Variants in ARHGAP42 observed in about 807,000 individuals in gnomAD.
The protein encoded by ARHGAP42 is Rho GTPase activating protein 42, also known as rho GTPase-activating protein 42.
In ARHGAP42, 63 loss-of-function variants were observed where a neutral mutation model predicts 125.0. The observed-to-expected ratio is 0.50, with a 90% confidence interval of 0.41 to 0.62. The LOEUF (loss-of-function observed/expected upper bound fraction) is 0.62, where lower values mean the gene tolerates loss of function less well. Ranked by LOEUF, ARHGAP42 falls within the 20% of genes least tolerant of loss-of-function variation. The pLI is 0.00. For missense variants in ARHGAP42, 766 were observed against 1,024.2 expected, an observed-to-expected ratio of 0.75 and a Z score of 3.44; for synonymous variants, 339 against 351.0, an observed-to-expected ratio of 0.97 and a Z score of 0.38.
intron 2 of ARHGAP42, among the ~76,000 whole-genome samples, chr11:100,790,933 A>G (rs912086581): frequency 7.9e-5 from 12 of 152,242 alleles, no homozygotes; most frequent in Admixed American, 3.9e-4. Context: ...ATTACAAATT[A>G]TTGCTGATAA....
At chr11:100,916,602 A>G (rs1342243275) in intron 5 of ARHGAP42, among the ~76,000 whole-genome samples, 1 of 152,196 alleles carries the variant, frequency 6.6e-6, no homozygotes, top group Non-Finnish European at 1.5e-5. Flanking sequence ...GGTATAGGAA[A>G]TTGGGCACAC....
At chr11:100,750,317 G>T (rs1029230219) in intron 1 of ARHGAP42, among the ~76,000 whole-genome samples, 1 of 152,130 alleles carries the variant, frequency 6.6e-6, no homozygotes, top group Non-Finnish European at 1.5e-5. Flanking sequence ...GGCCCCTGCT[G>T]CTGTGTCTTT....
intron 1 of ARHGAP42, among the ~76,000 whole-genome samples, chr11:100,751,080 A>G (rs960632465): frequency 1.3e-5 from 2 of 151,658 alleles, no homozygotes; most frequent in Non-Finnish European, 2.9e-5. Flanking sequence ...CTGGGATTAC[A>G]GGGGCCTGCC....
At chr11:100,740,435 G>A (rs1375953898) in intron 1 of ARHGAP42, among the ~76,000 whole-genome samples, 3 of 152,280 alleles carry the variant, frequency 2.0e-5, no homozygotes, top group South Asian at 2.1e-4. Flanking sequence ...TGCAAAACAG[G>A]TTAACTAATT....
At chr11:100,728,782 T>G (rs1861907489) in intron 1 of ARHGAP42, among the ~76,000 whole-genome samples, 1 of 147,492 alleles carries the variant, frequency 6.8e-6, no homozygotes. Flanking sequence ...TTTAATTTTT[T>G]TTTTGAGATG....
At chr11:100,721,360 T>C (rs1861755150) in intron 1 of ARHGAP42, among the ~76,000 whole-genome samples, 1 of 152,226 alleles carries the variant, frequency 6.6e-6, no homozygotes, top group African/African-American at 2.4e-5. Flanking sequence ...TGTCATACAG[T>C]TGGAATCATG....
intron 3 of ARHGAP42, among the ~76,000 whole-genome samples, chr11:100,838,273 G>C (rs1354393658): frequency 6.6e-6 from 1 of 151,934 alleles, no homozygotes; most frequent in Non-Finnish European, 1.5e-5. Flanking sequence ...TGATTAAAGC[G>C]GTGTCTGCCA....
intron 3 of ARHGAP42, among the ~76,000 whole-genome samples, chr11:100,810,061 A>C (rs1321284371): frequency 6.6e-6 from 1 of 152,086 alleles, no homozygotes; most frequent in Non-Finnish European, 1.5e-5. Flanking sequence ...AAATTATTAG[A>C]GATAAATAAG....
intron 10 of ARHGAP42, among the ~76,000 whole-genome samples, chr11:100,945,685 T>A (rs1867997199): frequency 6.6e-6 from 1 of 152,102 alleles, no homozygotes; most frequent in Admixed American, 6.6e-5. Context: ...TAAACCTCTT[T>A]AATCAGAAGG....
intron 14 of ARHGAP42, among the ~76,000 whole-genome samples, chr11:100,961,454 C>T (rs1202250389): frequency 6.6e-6 from 1 of 152,126 alleles, no homozygotes; most frequent in African/African-American, 2.4e-5. Context: ...GTCATGTTAA[C>T]AATTAGCAAT....
chr11:100,794,023 C>G (rs1420068207), intron 2 of ARHGAP42, among the ~76,000 whole-genome samples: 1 of 131,728 alleles, frequency 7.6e-6, no homozygotes, highest in Non-Finnish European at 1.5e-5. Context: ...ATCGAGGCTG[C>G]AGTGATTTCA....
intron 1 of ARHGAP42, among the ~76,000 whole-genome samples, chr11:100,728,644 A>C (rs1861901483): frequency 6.8e-6 from 1 of 148,044 alleles, no homozygotes; most frequent in South Asian, 2.2e-4. Context: ...CTTTAACATG[A>C]AGCAGTGTGT....
intron 4 of ARHGAP42, among the ~76,000 whole-genome samples, chr11:100,875,091 CTCTCTCTCTCTCTCTCTGTGTGTGTG>C (rs946884661): frequency 1.1e-5 from 1 of 93,054 alleles, no homozygotes; most frequent in African/African-American, 3.8e-5. Context: ...CTCTCTCTCT[CTCTCTCTCTCTCTCTCTGTGTGTGTG>C]TGTGTGTGTG....
chr11:100,897,804 C>T (rs1048933890), intron 4 of ARHGAP42, among the ~76,000 whole-genome samples: 2 of 152,182 alleles, frequency 1.3e-5, no homozygotes, highest in Admixed American at 1.3e-4. Context: ...AATTTGACTT[C>T]CTCTTTTCCT....
chr11:100,894,118 A>G (rs1654911726), intron 4 of ARHGAP42, among the ~76,000 whole-genome samples: 1 of 152,202 alleles, frequency 6.6e-6, no homozygotes, highest in Admixed American at 6.5e-5. Flanking sequence ...AAAATAAAGT[A>G]ATGGAAAATT....
intron 22 of ARHGAP42, among the ~76,000 whole-genome samples, chr11:100,982,867 A>G (rs1355000323): frequency 6.6e-6 from 1 of 152,210 alleles, no homozygotes; most frequent in Non-Finnish European, 1.5e-5. Flanking sequence ...AAAAGGCTAT[A>G]AATCACTGGT....
intron 4 of ARHGAP42, among the ~76,000 whole-genome samples, chr11:100,893,427 T>C (rs608920): frequency 0.8 from 121,079 of 151,938 alleles, 48,703 homozygotes; most frequent in East Asian, 1. Flanking sequence ...GTAATAAAAT[T>C]GATTAAGTTA....
intron 7 of ARHGAP42, among the ~76,000 whole-genome samples, chr11:100,935,356 A>G (rs2135263540): frequency 6.6e-6 from 1 of 152,292 alleles, no homozygotes; most frequent in Middle Eastern, 3.4e-3. Context: ...GAGTTAATTT[A>G]TACACTCACC....
At chr11:100,763,104 C>T (rs60708905) in intron 1 of ARHGAP42, among the ~76,000 whole-genome samples, 39,066 of 150,836 alleles carry the variant, frequency 0.26, 5,292 homozygotes, top group Non-Finnish European at 0.29. Context: ...CTCAGCCTCC[C>T]GAGTATCTGG....
Sources: gnomAD v4.1 joint callset for allele counts (sites outside exome capture counted in the v4.1 genomes callset) on GRCh38, gnomAD v4.1.1 for gene constraint, MANE v1.5 for transcripts, NCBI Gene and HGNC (gene_info 2026-07-23, HGNC 2026-07-21) for gene names.